The following VPS53 variants were observed in gnomAD, a reference collection of about 807,000 sequenced individuals.
VPS53 encodes the protein vacuolar protein sorting-associated protein 53 homolog.
A neutral mutation model predicts 107.0 loss-of-function variants in VPS53; 70 were observed. The observed-to-expected ratio is 0.65, with a 90% CI of 0.54 to 0.80. The LOEUF is 0.80. Among genes scored for constraint, VPS53 ranks in the 30% least tolerant of loss-of-function variants. The probability of loss-of-function intolerance (pLI) is 0.00; values close to 1 mark genes in which losing one functional copy is unlikely to be tolerated. For missense variants in VPS53, 917 were observed against 1,049.4 expected, an observed-to-expected ratio of 0.87 and a Z score of 1.74; for synonymous variants, 409 against 393.3, an observed-to-expected ratio of 1.04 and a Z score of -0.47.
intron 15 of VPS53, 112 bp from the exon 16 acceptor site, chr17:553,574 CTTTT>C (rs35437010): frequency 1.9e-3 from 1,044 of 550,114 alleles, no homozygotes; most frequent in Admixed American, 2.4e-3. Flanking sequence ...ATTCCATACA[CTTTT>C]TTTTTTTTTT....
At chr17:547,301 C>T (rs1423444138) in intron 17 of VPS53, among the ~76,000 whole-genome samples, 1 of 152,092 alleles carries the variant, frequency 6.6e-6, no homozygotes, top group Non-Finnish European at 1.5e-5. Flanking sequence ...AATGAATAAA[C>T]AAAATGTGGT....
chr17:616,930 G>A (rs1433951044), intron 11 of VPS53, among the ~76,000 whole-genome samples: 1 of 152,202 alleles, frequency 6.6e-6, no homozygotes, highest in Non-Finnish European at 1.5e-5. Context: ...ATGCAACAGG[G>A]CCATTTGTTC....
In VPS53 at chr17:547,035, C is replaced by T. The variant is rs1010975881; in HGVS notation, c.1866+4837G>A. ...GATTACAGGCACGCACGCTACCACA[C>T]CCGGCTAATTTTTGTATTTTTATTA... On this transcript the variant is annotated intron_variant, in intron 17 of 21. Transcript: ENST00000437048. 3.3e-5 allele frequency among the ~76,000 whole-genome samples: 5 copies of T among 152,158 alleles called. No homozygotes were observed. The South Asian group carries it at 8.3e-4, about 25-fold the overall frequency.
chr17:608,626 T>G (rs1968696790), intron 11 of VPS53, among the ~76,000 whole-genome samples: 1 of 150,928 alleles, frequency 6.6e-6, no homozygotes, highest in South Asian at 2.1e-4. Context: ...TCTTTTCTTT[T>G]TTTTTTTGAA....
chr17:662,434 A>C (rs948457889), intron 4 of VPS53, among the ~76,000 whole-genome samples: 3 of 152,222 alleles, frequency 2.0e-5, no homozygotes, highest in African/African-American at 4.8e-5. Context: ...TCACGCCTGT[A>C]ATCCCAGCAC....
intron 13 of VPS53, among the ~76,000 whole-genome samples, chr17:570,075 G>A (rs915745479): frequency 5.3e-5 from 8 of 151,802 alleles, no homozygotes; most frequent in Non-Finnish European, 8.8e-5. Flanking sequence ...TAATAAAAAC[G>A]AACATCATAG....
intron 17 of VPS53, chr17:538,456 T>C (rs1355781725): frequency 6.6e-6 from 1 of 152,236 alleles, no homozygotes; most frequent in Non-Finnish European, 1.5e-5. Context: ...GAGGCCCTGA[T>C]GTCTCTGGCA....
intron 17 of VPS53, among the ~76,000 whole-genome samples, chr17:541,983 T>C (rs531236848): frequency 7.1e-6 from 1 of 140,316 alleles, no homozygotes; most frequent in South Asian, 2.3e-4. Flanking sequence ...ATCAAGCACC[T>C]ACCATGCACC....
In VPS53 at chr17:537,047, A is replaced by G; in HGVS notation, c.1996T>C (p.Phe666Leu). The G allele has an allele frequency of 6.2e-7, 1 of 1,614,230 alleles. No individual in the cohort carries two copies. ...ACTTACTTTGCAAATTTAACGCAGA[A>G]CTGAGTGAAGTACTTGCGTGTGGAA... ...LASTRKYFTQ[F>L]CVKFANSFIP... Residue 666 changes from phenylalanine to leucine, a missense_variant, in exon 18 of 22, where the codon TTC (phenylalanine) becomes CTC (leucine). Phe to Leu is a conservative substitution (Grantham distance 22). Transcript: ENST00000437048.
At chr17:703,598 TAC>T (rs1160833093) in intron 2 of VPS53, among the ~76,000 whole-genome samples, 1 of 152,208 alleles carries the variant, frequency 6.6e-6, no homozygotes, top group East Asian at 1.9e-4. Flanking sequence ...AATGTGGTTG[TAC>T]AGTTTTGTTT....
chr17:556,439 C>G (rs971882680), intron 15 of VPS53, among the ~76,000 whole-genome samples: 30 of 152,190 alleles, frequency 2.0e-4, no homozygotes, highest in African/African-American at 6.8e-4. Flanking sequence ...TACAAACGAT[C>G]TTTGCAATTT....
chr17:544,357 G>A (rs1191757397), intron 17 of VPS53, among the ~76,000 whole-genome samples: 1 of 152,184 alleles, frequency 6.6e-6, no homozygotes, highest in Non-Finnish European at 1.5e-5. Flanking sequence ...AAAAACATCT[G>A]GTCGGGCACG....
intron 13 of VPS53, among the ~76,000 whole-genome samples, chr17:565,884 TAG>T (rs1053530730): frequency 6.6e-6 from 1 of 152,096 alleles, no homozygotes; most frequent in African/African-American, 2.4e-5. Flanking sequence ...AACACTTTAT[TAG>T]ACAGTGCGAG....
chr17:576,614 A>G (rs1399751854), intron 13 of VPS53, among the ~76,000 whole-genome samples: 1 of 151,244 alleles, frequency 6.6e-6, no homozygotes, highest in Non-Finnish European at 1.5e-5. Context: ...CTTCCCACAG[A>G]ACCTAATGTG....
intron 7 of VPS53, among the ~76,000 whole-genome samples, chr17:646,896 G>A (rs566645106): frequency 2.3e-3 from 344 of 151,724 alleles, no homozygotes; most frequent in South Asian, 3.1e-3. Flanking sequence ...CTCCGTGACC[G>A]CGTGGCCACT....
At chr17:671,096 T>C (rs1971920186) in intron 4 of VPS53, among the ~76,000 whole-genome samples, 1 of 152,082 alleles carries the variant, frequency 6.6e-6, no homozygotes. Context: ...CCAGCCATCA[T>C]GGTACACACC....
chr17:637,762 T>C (rs1417442568), intron 7 of VPS53, among the ~76,000 whole-genome samples: 1 of 152,250 alleles, frequency 6.6e-6, no homozygotes, highest in Non-Finnish European at 1.5e-5. Context: ...TCTAGTTTGA[T>C]TGCACTGTGG....
chr17:631,613 C>G lies in VPS53; in HGVS notation c.624G>C (p.Gln208His). The G allele has an allele frequency of 6.2e-7, 1 of 1,614,014 alleles. No homozygotes were observed. The highest frequency in any genetic ancestry group is 8.5e-7 in the Non-Finnish European group (1 of 1,179,958). The change falls in exon 8 of 22, where the codon CAG becomes CAC. Residue 208 changes from glutamine (Q) to histidine (H), a missense_variant. Physicochemically the swap from Gln to His is conservative, Grantham distance 24. Coordinates refer to ENST00000437048, the MANE Select transcript of VPS53 (RefSeq NM_001128159.3). The stretch of plus-strand genomic sequence containing the variant: ...CCAGGATTTGCTGTCCTAACTCAGT[C>G]TGTGCAGCCTTCACTCTGTGAGGAA... The part of the protein sequence containing the change: ...RQLSERVKAA[Q>H]TELGQQILAD...
chr17:687,090 G>A (rs1972612716), intron 4 of VPS53, among the ~76,000 whole-genome samples: 1 of 152,104 alleles, frequency 6.6e-6, no homozygotes, highest in African/African-American at 2.4e-5. Context: ...TTCAAGACCA[G>A]CCTGGCCAAC....
Sources: gnomAD v4.1 joint callset for allele counts (sites outside exome capture counted in the v4.1 genomes callset) on GRCh38, gnomAD v4.1.1 for gene constraint, MANE v1.5 for transcripts, NCBI Gene and HGNC (gene_info 2026-07-23, HGNC 2026-07-21) for gene names.